ZNF710: variants seen among roughly 807,000 people sequenced by gnomAD.
ZNF710 encodes the protein zinc finger protein 710.
In ZNF710, 13 loss-of-function variants were observed where a neutral mutation model predicts 50.6. That is an observed-to-expected ratio of 0.26 (90% CI 0.17 to 0.41). The LOEUF (loss-of-function observed/expected upper bound fraction) is 0.41. Ranked by LOEUF, ZNF710 falls within the 10% of genes least tolerant of loss-of-function variation. The probability of loss-of-function intolerance (pLI) is 1.00; values close to 1 mark genes in which losing one functional copy is unlikely to be tolerated. For missense variants in ZNF710, 721 were observed against 936.6 expected, an observed-to-expected ratio of 0.77 and a Z score of 3.01; for synonymous variants, 383 against 397.0, an observed-to-expected ratio of 0.96 and a Z score of 0.42.
chr15:90,006,221 A>G (rs895791369), intron 1 of ZNF710, among the ~76,000 whole-genome samples: 1 of 152,132 alleles, frequency 6.6e-6, no homozygotes, highest in Non-Finnish European at 1.5e-5. Flanking sequence ...GCTATTTTGC[A>G]CTTGATAAAG....
chr15:90,004,417 G>T (rs1898087775), intron 1 of ZNF710, among the ~76,000 whole-genome samples: 1 of 152,196 alleles, frequency 6.6e-6, no homozygotes, highest in Non-Finnish European at 1.5e-5. Flanking sequence ...GCTGATGCTT[G>T]GCGCAGGCTC....
chr15:90,051,861 C>A (rs149741379), intron 1 of ZNF710, among the ~76,000 whole-genome samples: 6 of 152,272 alleles, frequency 3.9e-5, no homozygotes, highest in Non-Finnish European at 8.8e-5. Flanking sequence ...TTAGACCCTT[C>A]TCCTGTCACT....
chr15:90,054,269 G>A (rs1055153278), intron 1 of ZNF710, among the ~76,000 whole-genome samples: 6 of 152,114 alleles, frequency 3.9e-5, no homozygotes, highest in African/African-American at 9.7e-5. Flanking sequence ...CACGGAAACC[G>A]AAGGAGGGGA....
intron 1 of ZNF710, among the ~76,000 whole-genome samples, chr15:90,064,563 C>A (rs529548949): frequency 2.0e-5 from 3 of 152,334 alleles, no homozygotes; most frequent in African/African-American, 7.2e-5. Flanking sequence ...TCTCTGCTCA[C>A]TGCAACTTCC....
intron 3 of ZNF710, 116 bp from the exon 4 acceptor site, chr15:90,074,000 C>CA (rs11424945): frequency 0.1 from 77,050 of 769,808 alleles, 26 homozygotes; most frequent in Non-Finnish European, 0.11. Flanking sequence ...AAAAAAAAAA[C>CA]AAAAAAAAAA....
chr15:90,076,881 C>T (rs953763692), intron 4 of ZNF710, among the ~76,000 whole-genome samples: 8 of 152,022 alleles, frequency 5.3e-5, no homozygotes, highest in African/African-American at 1.9e-4. Flanking sequence ...GGTTAAGGCA[C>T]AACCTCTTTC....
chr15:90,037,980 C>T (rs141856532), intron 1 of ZNF710, among the ~76,000 whole-genome samples: 15 of 152,344 alleles, frequency 9.8e-5, no homozygotes, highest in Non-Finnish European at 2.1e-4. Context: ...CCTTTAACCA[C>T]AGGCCTGGCC....
rs180995919 is a variant in ZNF710, at chr15:90,078,068, G to A, written c.1826-1592G>A. Among the ~76,000 whole-genome samples the A allele has an allele frequency of 9.9e-5, 15 of 152,076 alleles. No individual in the cohort carries two copies. In the East Asian group the frequency reaches 2.1e-3, roughly 22 times the overall value. On this transcript the variant is annotated intron_variant, in intron 4 of 4. Coordinates refer to ENST00000268154, the MANE Select transcript of ZNF710 (RefSeq NM_198526.4). ...ACTAAAAATACAAAAAAAATTAGCCGGGTATGGTGGCGCATGCCTGTAATC... is the reference window on the plus strand; with the variant it reads ...ACTAAAAATACAAAAAAAATTAGCCAGGTATGGTGGCGCATGCCTGTAATC...
chr15:90,052,245 T>C (rs79736140), intron 1 of ZNF710, among the ~76,000 whole-genome samples: 3,086 of 150,184 alleles, frequency 0.021, 110 homozygotes, highest in African/African-American at 0.072. Flanking sequence ...TTCATCCCCA[T>C]GTGACTTTTT....
chr15:90,024,026 C>A (rs1054560973), intron 1 of ZNF710, among the ~76,000 whole-genome samples: 1 of 151,798 alleles, frequency 6.6e-6, no homozygotes, highest in African/African-American at 2.4e-5. Context: ...AAGGTGGCAA[C>A]CCAGAACACC....
intron 2 of ZNF710, among the ~76,000 whole-genome samples, chr15:90,072,097 C>T (rs1900410100): frequency 6.6e-6 from 1 of 152,188 alleles, no homozygotes; most frequent in Non-Finnish European, 1.5e-5. Context: ...AGCCACCGTG[C>T]CCAGCCCAGC....
intron 4 of ZNF710, among the ~76,000 whole-genome samples, chr15:90,078,980 G>A (rs1301039867): frequency 6.6e-6 from 1 of 152,200 alleles, no homozygotes; most frequent in Non-Finnish European, 1.5e-5. Flanking sequence ...GTTTTTGCCT[G>A]ACATATCTTT....
At chr15:90,024,371 C>T (rs1898709977) in intron 1 of ZNF710, among the ~76,000 whole-genome samples, 1 of 152,194 alleles carries the variant, frequency 6.6e-6, no homozygotes, top group African/African-American at 2.4e-5. Context: ...CCCCACCAGA[C>T]TATGTTGGGG....
chr15:90,032,842 CA>C (rs1898989757), intron 1 of ZNF710, among the ~76,000 whole-genome samples: 1 of 149,476 alleles, frequency 6.7e-6, no homozygotes, highest in Non-Finnish European at 1.5e-5. Context: ...GAGGCTAAAG[CA>C]AGAGGATTCC....
chr15:90,009,272 C>T (rs1898235391), intron 1 of ZNF710, among the ~76,000 whole-genome samples: 2 of 151,844 alleles, frequency 1.3e-5, no homozygotes, highest in South Asian at 2.1e-4. Context: ...AGGACCAAGT[C>T]CAAGCTGGCC....
Position 90,067,755 on chromosome 15 carries a change from G to A in ZNF710, c.618G>A (p.Leu206=). The A allele has an allele frequency of 6.3e-7, 1 of 1,592,464 alleles. No homozygotes were observed. The highest frequency in any genetic ancestry group is 8.5e-7 in the Non-Finnish European group (1 of 1,170,386). The change falls in exon 2 of 5, where the codon CTG becomes CTA. Residue 206 remains leucine, a synonymous_variant. Transcript: ENST00000268154. This position sits in a 1 kb window ranked among gnomAD's most constrained non-coding sequence, Gnocchi z 8.1. ...RDGFPEPSMA[L]PGPEALPTEC... ...GCTTCCCCGAGCCCAGCATGGCGCT[G>A]CCTGGGCCAGAGGCCTTGCCCACAG...
At chr15:90,007,026 C>T (rs1307675189) in intron 1 of ZNF710, among the ~76,000 whole-genome samples, 1 of 152,080 alleles carries the variant, frequency 6.6e-6, no homozygotes, top group African/African-American at 2.4e-5. Flanking sequence ...TTGATGGAGA[C>T]CCTGCAGACT....
intron 1 of ZNF710, among the ~76,000 whole-genome samples, chr15:90,058,701 TTATA>T (rs34907426): frequency 7.0e-6 from 1 of 143,530 alleles, no homozygotes; most frequent in Non-Finnish European, 1.5e-5. Flanking sequence ...CACTATATAT[TTATA>T]TATATATATA....
chr15:90,037,848 T>C (rs1455553638), intron 1 of ZNF710, among the ~76,000 whole-genome samples: 1 of 152,196 alleles, frequency 6.6e-6, no homozygotes, highest in Non-Finnish European at 1.5e-5. Flanking sequence ...GCATAGAGTA[T>C]TCTAATACGG....
Sources: gnomAD v4.1 joint callset for allele counts (sites outside exome capture counted in the v4.1 genomes callset) on GRCh38, gnomAD v4.1.1 for gene constraint, Gnocchi (gnomAD v3.1) non-coding constraint, MANE v1.5 for transcripts, NCBI Gene and HGNC (gene_info 2026-07-23, HGNC 2026-07-21) for gene names.